The following ATP6V0A2 variants were observed in gnomAD, a reference collection of about 807,000 sequenced individuals.
The protein encoded by ATP6V0A2 is ATPase H+ transporting V0 subunit a2, also known as V-type proton ATPase 116 kDa subunit a 2.
A neutral mutation model predicts 104.4 loss-of-function variants in ATP6V0A2; 58 were observed. That is an observed-to-expected ratio of 0.56 (90% CI 0.45 to 0.69). The LOEUF (loss-of-function observed/expected upper bound fraction) is 0.69, where lower values mean the gene tolerates loss of function less well. Ranked by LOEUF, ATP6V0A2 falls within the 30% of genes least tolerant of loss-of-function variation. The pLI is 0.00. For synonymous variants in ATP6V0A2, 376 were observed against 397.9 expected, an observed-to-expected ratio of 0.95 and a Z score of 0.65; for missense variants, 938 against 1,062.9, an observed-to-expected ratio of 0.88 and a Z score of 1.63.
Position 123,724,295 on chromosome 12 carries a change from G to A in ATP6V0A2, c.295-359G>A, listed in dbSNP as rs373227414. The stretch of plus-strand genomic sequence containing the variant: ...TTAGTAGAGACAGGGAGGCCGAGGC[G>A]GGTGGATTACCTGAGGTCAAGAGTT... On this transcript the variant is annotated intron_variant, in intron 3 of 19. Transcript: ENST00000330342. The A allele has an allele frequency of 6.3e-4, 126 of 199,336 alleles. 2 individuals carry two copies. In the South Asian group the frequency reaches 8.5e-3, roughly 14 times the overall value. The allele number at this position is 199,336 out of a possible 1,614,324, so 12.3% of individuals were successfully genotyped here.
intron 8 of ATP6V0A2, 60 bp downstream of exon 8, chr12:123,735,684 T>C: frequency 7.6e-7 from 1 of 1,318,152 alleles, no homozygotes; most frequent in South Asian, 1.2e-5. Flanking sequence ...TTTACACGTA[T>C]ATTTTCTCTC....
In ATP6V0A2 at chr12:123,757,622, G is replaced by T. The variant is rs114380286; in HGVS notation, c.2466-305G>T. On this transcript the variant is annotated intron_variant, in intron 19 of 19. Transcript: ENST00000330342. ...TCTTAATGTTTTATGGTGTAGGTCA[G>T]ATTACTGCTCTGTGCCTCCAGTGAC... is the stretch of plus-strand genomic sequence containing the variant. 2.2e-3 allele frequency among the ~76,000 whole-genome samples: 340 copies of T among 152,036 alleles called. 3 individuals carry two copies. Among genetic ancestry groups the T allele is most frequent in the African/African-American group, 7.9e-3 (329 of 41,428 alleles).
Position 123,712,398 on chromosome 12 carries a change from G to A in ATP6V0A2, c.-168G>A. The A allele has an allele frequency of 2.7e-6, 1 of 376,308 alleles. No individual in the cohort carries two copies. The highest frequency in any genetic ancestry group is 4.6e-6 in the Non-Finnish European group (1 of 215,504). 23.3% of individuals were successfully genotyped at this position (376,308 alleles called of 1,614,324 possible). On this transcript the variant is annotated 5_prime_UTR_variant, in exon 1 of 20. In the 5' UTR this introduces an upstream ATG that the reference lacks. Coordinates refer to ENST00000330342, the MANE Select transcript of ATP6V0A2 (RefSeq NM_012463.4). ...GGCGGCAGCTGGAGCGGCGGCCGCG[G>A]TGGCAGAACCGGGGGCGGCCGCTGC...
Position 123,743,824 on chromosome 12 carries a change from A to G in ATP6V0A2, c.1078A>G (p.Ile360Val). 1 of 1,614,154 alleles carries G rather than the reference A, an allele frequency of 6.2e-7. No individual in the cohort carries two copies. The highest frequency in any genetic ancestry group is 8.5e-7 in the Non-Finnish European group (1 of 1,180,012). The change falls in exon 10 of 20, where the codon ATC becomes GTC. Residue 360 changes from isoleucine to valine, a missense_variant. Physicochemically the swap from Ile to Val is conservative, Grantham distance 29. Coordinates refer to ENST00000330342, the MANE Select transcript of ATP6V0A2 (RefSeq NM_012463.4). The stretch of plus-strand genomic sequence containing the variant: ...TACAATCCCCTCATTCATGAATATA[A>G]TCCCCACAAAAGAAACACCCCCCAC... ...GATIPSFMNI[I>V]PTKETPPTRI...
intron 1 of ATP6V0A2, among the ~76,000 whole-genome samples, chr12:123,716,427 T>G (rs965305998): frequency 2.6e-5 from 4 of 152,204 alleles, no homozygotes; most frequent in African/African-American, 9.7e-5. Flanking sequence ...TTTCTTAATA[T>G]AATCAAATAC....
chr12:123,754,714 G>T, intron 18 of ATP6V0A2, 177 bp downstream of exon 18: 1 of 614,704 alleles, frequency 1.6e-6, no homozygotes, highest in Non-Finnish European at 2.9e-6. Flanking sequence ...TCTTTTGGCT[G>T]AGGAGTGCTG....
intron 6 of ATP6V0A2, 42 bp from the exon 7 acceptor site, chr12:123,733,884 A>G (rs1291060981): frequency 5.5e-6 from 8 of 1,458,710 alleles, no homozygotes; most frequent in Non-Finnish European, 7.7e-6. Flanking sequence ...CTAGAAGTTT[A>G]TACACGCAGA....
intron 6 of ATP6V0A2, among the ~76,000 whole-genome samples, chr12:123,729,680 GA>G (rs1956482615): frequency 6.6e-6 from 1 of 152,108 alleles, no homozygotes. Context: ...GGTGGAAAAG[GA>G]ACTTGGTTTT....
In ATP6V0A2 at chr12:123,747,588, T is replaced by C; in HGVS notation, c.1606-19T>C. The C allele has an allele frequency of 6.7e-7, 1 of 1,498,920 alleles. No homozygotes were observed. Among genetic ancestry groups the C allele is most frequent in the Non-Finnish European group, 9.3e-7 (1 of 1,075,118 alleles). 92.9% of individuals were successfully genotyped at this position (1,498,920 alleles called of 1,614,324 possible). On this transcript the variant is annotated intron_variant, in intron 13 of 19. Transcript: ENST00000330342. ...AGGAAGTTAAAGATTCTGTTTTGTC[T>C]TGTTTGGTTTGGTTTTAGATTTGGA... is the stretch of plus-strand genomic sequence containing the variant.
intron 17 of ATP6V0A2, chr12:123,754,102 A>G (rs1566292999): frequency 8.2e-6 from 4 of 489,806 alleles, no homozygotes; most frequent in Non-Finnish European, 1.5e-5. Flanking sequence ...CCAGAATCCC[A>G]TTAGTATAGC....
At chr12:123,725,126 G>T (rs1408278311) in intron 4 of ATP6V0A2, among the ~76,000 whole-genome samples, 1 of 151,954 alleles carries the variant, frequency 6.6e-6, no homozygotes, top group East Asian at 1.9e-4. Context: ...GTAGAGATGG[G>T]GTTTCACCAT....
chr12:123,723,792 G>A (rs1956423006), intron 3 of ATP6V0A2: 1 of 152,166 alleles, frequency 6.6e-6, no homozygotes, highest in Non-Finnish European at 1.5e-5. Flanking sequence ...AATTAATTGT[G>A]TAAATGTGAG....
At position 123,748,656 on chromosome 12, in the gene ATP6V0A2, A is replaced by T; in HGVS notation, c.1806A>T (p.Ile602=). ...TGCTCTGTATCTTTGGATACCTTAT[A>T]TTTATGATTTTCTACAAGTGGCTGG... ...LFMLCIFGYL[I]FMIFYKWLVF... is the part of the protein sequence containing the mutation. Residue 602 remains isoleucine, a synonymous_variant, in exon 15 of 20, where the codon ATA becomes ATT. Transcript: ENST00000330342. 1.2e-6 allele frequency: 2 copies of T among 1,613,970 alleles called. No homozygotes were observed.
chr12:123,742,451 G>C (rs1202945633), intron 9 of ATP6V0A2, among the ~76,000 whole-genome samples: 1 of 152,168 alleles, frequency 6.6e-6, no homozygotes, highest in Admixed American at 6.5e-5. Context: ...CTAGCTGGTT[G>C]CACTTTCTGT....
At chr12:123,713,958 A>G (rs1015602839) in intron 1 of ATP6V0A2, among the ~76,000 whole-genome samples, 10 of 152,172 alleles carry the variant, frequency 6.6e-5, no homozygotes, top group African/African-American at 2.4e-4. Context: ...GCGAGGGTGC[A>G]GGTAAGATGC....
rs763909320 is a variant in ATP6V0A2, at chr12:123,712,676, C to T, written c.111C>T (p.Phe37=). The T allele has an allele frequency of 6.2e-7, 1 of 1,609,698 alleles. No individual in the cohort carries two copies. The highest frequency in any genetic ancestry group is 8.5e-7 in the Non-Finnish European group (1 of 1,178,588). The change falls in exon 1 of 20, where the codon TTC becomes TTT. Residue 37 remains phenylalanine, a synonymous_variant. Transcript: ENST00000330342. Reference sequence around the variant, plus strand: ...TGGGCGAGAAAGGCCTGGTCCAGTTCCGAGACGTGAGTGTCGCCCGGGAGA... The same window carrying T: ...TGGGCGAGAAAGGCCTGGTCCAGTTTCGAGACGTGAGTGTCGCCCGGGAGA... The part of the protein sequence containing the change: ...SALGEKGLVQ[F]RDLNQNVSSF...
At position 123,754,456 on chromosome 12, in the gene ATP6V0A2, C is replaced by T; in HGVS notation, c.2212C>T (p.His738Tyr). ...AGAAATATTAATGACCCAAGTAATC[C>T]ATTCCATCGAGTACTGTCTGGGATG... ...FGEILMTQVI[H>Y]SIEYCLGCIS... Residue 738 changes from histidine to tyrosine, a missense_variant, in exon 18 of 20, where the codon CAT becomes TAT. By Grantham distance (83) the His-to-Tyr change is moderately conservative. Transcript: ENST00000330342. The T allele has an allele frequency of 6.2e-7, 1 of 1,613,756 alleles. No homozygotes were observed. Among genetic ancestry groups the T allele is most frequent in the South Asian group, 1.1e-5 (1 of 91,062 alleles).
chr12:123,758,185 T>A lies in ATP6V0A2; in HGVS notation c.*153T>A. On this transcript the variant is annotated 3_prime_UTR_variant, in exon 20 of 20. Transcript: ENST00000330342. ...TTCTGTAAGATATACCTCTTCCTCATATGTTAAATATTTTGTAAAGTTTAC... is the reference window on the plus strand; with the variant it reads ...TTCTGTAAGATATACCTCTTCCTCAAATGTTAAATATTTTGTAAAGTTTAC... 2.0e-6 allele frequency: 1 copy of A among 511,184 alleles called. No individual in the cohort carries two copies. Among genetic ancestry groups the A allele is most frequent in the Non-Finnish European group, 3.4e-6 (1 of 292,148 alleles). The allele number at this position is 511,184 out of a possible 1,614,324, so 31.7% of individuals were successfully genotyped here. A position where few individuals can be genotyped will look rare whatever the true frequency, so the allele number is the denominator to read the frequency against.
intron 6 of ATP6V0A2, chr12:123,730,929 A>G (rs1956496403): frequency 6.6e-6 from 1 of 151,554 alleles, no homozygotes. Context: ...CTGGCCTTGA[A>G]CTCCTGACCT....
Sources: allele counts gnomAD v4.1 joint callset (sites outside exome capture counted in the v4.1 genomes callset), GRCh38; gene constraint gnomAD v4.1.1; transcripts MANE v1.5; gene names NCBI Gene and HGNC (gene_info 2026-07-23, HGNC 2026-07-21).